Variants in ECT2L observed in about 807,000 individuals in gnomAD.
The protein encoded by ECT2L is epithelial cell transforming 2 like.
Under a neutral mutation model 122.8 loss-of-function variants are expected in ECT2L, and 126 were observed. That is an observed-to-expected ratio of 1.03 (90% CI 0.89 to 1.19). The LOEUF (loss-of-function observed/expected upper bound fraction) is 1.19, where lower values mean the gene tolerates loss of function less well. ECT2L is among the 50% of genes most tolerant of loss of function. ECT2L has a pLI of 0.00. For synonymous variants in ECT2L, 385 were observed against 381.8 expected, an observed-to-expected ratio of 1.01 and a Z score of -0.10; for missense variants, 1,012 against 1,064.1, an observed-to-expected ratio of 0.95 and a Z score of 0.68.
Position 138,902,541 on chromosome 6 carries a change from T to C in ECT2L, c.2629T>C (p.Trp877Arg), listed in dbSNP as rs1779439138. 3 of 1,613,694 alleles carry C rather than the reference T, an allele frequency of 1.9e-6. No homozygotes were observed. The highest frequency in any genetic ancestry group is 2.5e-6 in the Non-Finnish European group (3 of 1,179,830). ...AFILQGPKYK[W>R]ICATEIEDDK... ...TATTCTTCAGGGTCCAAAATATAAA[T>C]GGATTTGTGCTACAGAAATAGAGGA... Residue 877 changes from tryptophan (W) to arginine (R), a missense_variant, in exon 22 of 22, where the codon TGG becomes CGG. Transcript: ENST00000541398.
At chr6:138,857,673 ACCTCAGTGC>A (rs1562477937) in intron 10 of ECT2L, among the ~76,000 whole-genome samples, 1 of 146,342 alleles carries the variant, frequency 6.8e-6, no homozygotes, top group Non-Finnish European at 1.5e-5. Context: ...GTTTCCTCCC[ACCTCAGTGC>A]CCTCTTCTCA....
intron 20 of ECT2L, among the ~76,000 whole-genome samples, chr6:138,898,253 C>T (rs1188846): frequency 0.63 from 95,221 of 151,964 alleles, 30,173 homozygotes; most frequent in African/African-American, 0.66. Flanking sequence ...CCTATTGACT[C>T]GATCTAGAAA....
intron 1 of ECT2L, among the ~76,000 whole-genome samples, chr6:138,803,467 C>A (rs1106972): frequency 0.25 from 37,958 of 151,936 alleles, 5,503 homozygotes; most frequent in African/African-American, 0.39. Flanking sequence ...AACAATTTTG[C>A]GAACTTGCTA....
intron 10 of ECT2L, among the ~76,000 whole-genome samples, chr6:138,858,841 G>A (rs1332790440): frequency 6.6e-6 from 1 of 151,488 alleles, no homozygotes; most frequent in Non-Finnish European, 1.5e-5. Flanking sequence ...GAGTAGCTGG[G>A]ACTACAGGCA....
intron 21 of ECT2L, among the ~76,000 whole-genome samples, chr6:138,902,232 T>C (rs1446157749): frequency 2.0e-5 from 3 of 152,202 alleles, no homozygotes; most frequent in South Asian, 2.1e-4. Context: ...TCTGGAGTGA[T>C]TGAGACAAGG....
intron 20 of ECT2L, among the ~76,000 whole-genome samples, chr6:138,891,624 T>C (rs1779030250): frequency 6.6e-6 from 1 of 152,184 alleles, no homozygotes; most frequent in South Asian, 2.1e-4. Context: ...ATTCAAGCTG[T>C]CCCATCTTTC....
rs771576002 is a variant in ECT2L, at chr6:138,902,537, T to C, written c.2625T>C (p.Tyr875=). The C allele has an allele frequency of 1.2e-6, 2 of 1,613,784 alleles. No homozygotes were observed. Among genetic ancestry groups the C allele is most frequent in the South Asian group, 2.2e-5 (2 of 91,042 alleles). ...CATTTATTCTTCAGGGTCCAAAATA[T>C]AAATGGATTTGTGCTACAGAAATAG... ...KNAFILQGPK[Y]KWICATEIED... is the part of the protein sequence containing the mutation. Residue 875 remains tyrosine (Y), a synonymous_variant, in exon 22 of 22, where the codon TAT becomes TAC. Transcript: ENST00000541398.
chr6:138,811,528 G>A (rs1034120225), intron 1 of ECT2L, among the ~76,000 whole-genome samples: 1 of 152,180 alleles, frequency 6.6e-6, no homozygotes. Flanking sequence ...CAAGGTCATG[G>A]GGCTTTAATC....
chr6:138,835,456 G>A (rs919812721), intron 4 of ECT2L, among the ~76,000 whole-genome samples: 2 of 151,948 alleles, frequency 1.3e-5, no homozygotes, highest in Admixed American at 1.3e-4. Flanking sequence ...GGAGGCTGAG[G>A]TGGGAGGATT....
chr6:138,895,259 G>A (rs1176737421), intron 20 of ECT2L, among the ~76,000 whole-genome samples: 4 of 152,108 alleles, frequency 2.6e-5, no homozygotes, highest in African/African-American at 7.2e-5. Flanking sequence ...AACATACTCT[G>A]CTTGTATTTA....
intron 4 of ECT2L, among the ~76,000 whole-genome samples, chr6:138,830,626 C>T (rs1188791766): frequency 6.6e-6 from 1 of 152,146 alleles, no homozygotes; most frequent in Non-Finnish European, 1.5e-5. Context: ...GGTTATCTTG[C>T]TTGTCCTCTC....
chr6:138,837,625 C>A (rs1324700203), intron 4 of ECT2L, among the ~76,000 whole-genome samples: 1 of 140,922 alleles, frequency 7.1e-6, no homozygotes, highest in Non-Finnish European at 1.5e-5. Flanking sequence ...TAAGTTTCTT[C>A]TAGAAGCACT....
intron 20 of ECT2L, among the ~76,000 whole-genome samples, chr6:138,895,095 C>T (rs1016066795): frequency 1.3e-5 from 2 of 151,622 alleles, no homozygotes; most frequent in African/African-American, 4.8e-5. Context: ...CCCGTCTCTA[C>T]AGGGGAAAAA....
At chr6:138,869,818 T>C (rs902604730) in intron 13 of ECT2L, among the ~76,000 whole-genome samples, 1 of 152,124 alleles carries the variant, frequency 6.6e-6, no homozygotes, top group African/African-American at 2.4e-5. Flanking sequence ...GCCTTCTTCC[T>C]CCCCCTGAAA....
intron 11 of ECT2L, among the ~76,000 whole-genome samples, chr6:138,863,773 G>T (rs192031112): frequency 1.3e-5 from 2 of 151,282 alleles, no homozygotes; most frequent in Non-Finnish European, 2.9e-5. Context: ...GTGCCACCAC[G>T]CCCGACTAAT....
intron 4 of ECT2L, among the ~76,000 whole-genome samples, chr6:138,829,164 T>C (rs1185329679): frequency 6.6e-6 from 1 of 152,162 alleles, no homozygotes; most frequent in Admixed American, 6.5e-5. Context: ...TGTTAGTTTC[T>C]AATAATTTCT....
At chr6:138,870,207 AT>A (rs1778201964) in intron 13 of ECT2L, 1 of 152,588 alleles carries the variant, frequency 6.6e-6, no homozygotes, top group Admixed American at 6.5e-5. Context: ...AACCTCTGGA[AT>A]TTTTGTCGTA....
chr6:138,882,828 A>G lies in ECT2L; in HGVS notation c.1985A>G (p.Asn662Ser), dbSNP rs562537216. The G allele has an allele frequency of 6.2e-7, 1 of 1,614,192 alleles. No individual in the cohort carries two copies. Among genetic ancestry groups the G allele is most frequent in the Non-Finnish European group, 8.5e-7 (1 of 1,180,018 alleles). Residue 662 changes from asparagine (N) to serine (S), a missense_variant, in exon 16 of 22, where the codon AAT becomes AGT. Asn to Ser is a conservative substitution (Grantham distance 46). Coordinates refer to ENST00000541398, the MANE Select transcript of ECT2L (RefSeq NM_001077706.3). ...KFGSQLNTYT[N>S]FFNNYPVILK... The stretch of plus-strand genomic sequence containing the variant: ...GGAAGCCAGTTAAACACATATACCA[A>G]TTTCTTCAACAATTACCCTGTCATT...
Position 138,814,529 on chromosome 6 carries a change from T to G in ECT2L, c.105T>G (p.Phe35Leu). 4.3e-6 allele frequency: 7 copies of G among 1,612,628 alleles called. No individual in the cohort carries two copies. The highest frequency in any genetic ancestry group is 5.1e-6 in the Non-Finnish European group (6 of 1,178,966). ...GAGTGGCTCTTATAAGTCATTGGTT[T>G]GACCTCTGGACTAACAAGCAACGTC... ...QERVALISHW[F>L]DLWTNKQRQE... The change falls in exon 4 of 22, where the codon TTT becomes TTG. Residue 35 changes from phenylalanine (F) to leucine (L), a missense_variant. Phe to Leu is a conservative substitution (Grantham distance 22). Transcript: ENST00000541398.
Sources: gnomAD v4.1 joint callset for allele counts (sites outside exome capture counted in the v4.1 genomes callset) on GRCh38, gnomAD v4.1.1 for gene constraint, MANE v1.5 for transcripts, NCBI Gene and HGNC (gene_info 2026-07-23, HGNC 2026-07-21) for gene names.